Variants in ERVH48-1 observed in about 807,000 individuals in gnomAD.
ERVH48-1 encodes the protein suppressyn.
In ERVH48-1, 4 loss-of-function variants were observed where a neutral mutation model predicts 2.4. That is an observed-to-expected ratio of 1.68 (90% confidence interval 0.83 to 3.84). The LOEUF (loss-of-function observed/expected upper bound fraction) is 3.84. Ranked by LOEUF, ERVH48-1 falls within the 30% of genes most tolerant of loss-of-function variation. ERVH48-1 has a pLI of 0.01. For synonymous variants in ERVH48-1, 32 were observed against 15.5 expected, an observed-to-expected ratio of 2.06 and a Z score of -2.49; for missense variants, 97 against 43.4, an observed-to-expected ratio of 2.23 and a Z score of -3.47.
Position 42,925,620 on chromosome 21 carries a change from A to T in ERVH48-1, c.-560T>A, listed in dbSNP as rs1359463230. ...GGATGCAGACAGACTGAGGCCTAGA[A>T]TGGCATCAGCCCCAAGTGAGGAGGG... On this transcript the variant is annotated 5_prime_UTR_variant, in exon 1 of 2. Transcript: ENST00000447535. 9.6e-6 allele frequency: 2 copies of T among 208,776 alleles called. No individual in the cohort carries two copies. Among genetic ancestry groups the T allele is most frequent in the Non-Finnish European group, 1.9e-5 (2 of 104,862 alleles). The allele number at this position is 208,776 out of a possible 1,614,324, so 12.9% of individuals were successfully genotyped here. A position where few individuals can be genotyped will look rare whatever the true frequency, so the allele number is the denominator to read the frequency against.
At chr21:42,920,929 G>A (rs2058803814) in intron 1 of ERVH48-1, among the ~76,000 whole-genome samples, 1 of 152,184 alleles carries the variant, frequency 6.6e-6, no homozygotes, top group African/African-American at 2.4e-5. Flanking sequence ...GAGCCGTGGG[G>A]CAGAGATGAG....
chr21:42,916,879 G>A lies in ERVH48-1; in HGVS notation c.*1645C>T, dbSNP rs1353804557. The stretch of plus-strand genomic sequence containing the variant: ...TAAAATGGCATCAGCCCCAAGTGAG[G>A]ATGGGGCAGGGGTTTTATAGTCCTC... On this transcript the variant is annotated 3_prime_UTR_variant, in exon 2 of 2. Coordinates refer to ENST00000447535, the MANE Select transcript of ERVH48-1 (RefSeq NM_001308491.2). 6.0e-6 allele frequency: 1 copy of A among 165,702 alleles called. No homozygotes were observed. Among genetic ancestry groups the A allele is most frequent in the Admixed American group, 6.5e-5 (1 of 15,382 alleles). The allele number at this position is 165,702 out of a possible 1,614,324, so 10.3% of individuals were successfully genotyped here.
rs1405652036 is a variant in ERVH48-1, at chr21:42,918,451, T to C, written c.*73A>G. 2.5e-6 allele frequency: 1 copy of C among 401,208 alleles called. No individual in the cohort carries two copies. The highest frequency in any genetic ancestry group is 7.1e-5 in the East Asian group (1 of 14,062). 24.9% of individuals were successfully genotyped at this position (401,208 alleles called of 1,614,324 possible). On this transcript the variant is annotated 3_prime_UTR_variant, in exon 2 of 2. Transcript: ENST00000447535. ...CCCGCATACCCAACAATTGGACACA[T>C]TCATGGTAAGCACAATGGTTCTCCT... is the stretch of plus-strand genomic sequence containing the variant.
intron 1 of ERVH48-1, among the ~76,000 whole-genome samples, chr21:42,923,119 G>T (rs2058811572): frequency 6.6e-6 from 1 of 152,220 alleles, no homozygotes; most frequent in Non-Finnish European, 1.5e-5. Flanking sequence ...CCGACTTCCA[G>T]TGGGGTCCTC....
intron 1 of ERVH48-1, among the ~76,000 whole-genome samples, chr21:42,922,184 G>A (rs2058807816): frequency 6.6e-6 from 1 of 152,090 alleles, no homozygotes; most frequent in Admixed American, 6.6e-5. Context: ...GATTTTAAGG[G>A]TAATGCAGAA....
Position 42,918,991 on chromosome 21 carries a change from G to A in ERVH48-1, c.16C>T (p.Pro6Ser), listed in dbSNP as rs2058797463. Residue 6 changes from proline to serine, a missense_variant, in exon 2 of 2, where the codon CCA becomes TCA. Coordinates refer to ENST00000447535, the MANE Select transcript of ERVH48-1 (RefSeq NM_001308491.2). Reference sequence around the variant, plus strand: ...GGAAGAGAGGTATAGAAAGTGGTTGGGTAGATACAGGCCATTCCTGGAAGC... The same window carrying A: ...GGAAGAGAGGTATAGAAAGTGGTTGAGTAGATACAGGCCATTCCTGGAAGC... MACIY[P>S]TTFYTSLPTK... 9.1e-7 allele frequency: 1 copy of A among 1,103,618 alleles called. No homozygotes were observed. Among genetic ancestry groups the A allele is most frequent in the Admixed American group, 2.3e-5 (1 of 42,932 alleles). 68.4% of individuals were successfully genotyped at this position (1,103,618 alleles called of 1,614,324 possible). A position where few individuals can be genotyped will look rare whatever the true frequency, so the allele number is the denominator to read the frequency against.
At chr21:42,921,550 C>G (rs1051265601) in intron 1 of ERVH48-1, among the ~76,000 whole-genome samples, 7 of 152,050 alleles carry the variant, frequency 4.6e-5, no homozygotes, top group African/African-American at 1.7e-4. Context: ...CTGATACCCC[C>G]ACTCTGCCAG....
At chr21:42,924,677 G>T (rs940888968) in intron 1 of ERVH48-1, among the ~76,000 whole-genome samples, 3 of 152,162 alleles carry the variant, frequency 2.0e-5, no homozygotes, top group Non-Finnish European at 4.4e-5. Context: ...AGAACAAGGT[G>T]CTTAGAGGGA....
At position 42,919,275 on chromosome 21, in the gene ERVH48-1, G is replaced by A. The variant is rs1394564936; in HGVS notation, c.-269C>T. On this transcript the variant is annotated 5_prime_UTR_variant, in exon 2 of 2. Coordinates refer to ENST00000447535, the MANE Select transcript of ERVH48-1 (RefSeq NM_001308491.2). The stretch of plus-strand genomic sequence containing the variant: ...GCTTTTTGTGAGGGTCAGTTTGGCC[G>A]ATAAACACGTCTGTGCCTGCAAGAC... 7 of 261,644 alleles carry A rather than the reference G, an allele frequency of 2.7e-5. No homozygotes were observed. The highest frequency in any genetic ancestry group is 9.1e-5 in the East Asian group (1 of 11,042). 16.2% of individuals were successfully genotyped at this position (261,644 alleles called of 1,614,324 possible). A position where few individuals can be genotyped will look rare whatever the true frequency, so the allele number is the denominator to read the frequency against.
intron 1 of ERVH48-1, among the ~76,000 whole-genome samples, chr21:42,924,596 G>A (rs564805179): frequency 6.6e-6 from 1 of 152,134 alleles, no homozygotes. Context: ...TTGTAAAGTC[G>A]TATGTTCCAT....
In ERVH48-1 at chr21:42,918,991, G is replaced by C; in HGVS notation, c.16C>G (p.Pro6Ala). The change falls in exon 2 of 2, where the codon CCA becomes GCA. Residue 6 changes from proline to alanine, a missense_variant. Transcript: ENST00000447535. MACIY[P>A]TTFYTSLPTK... ...GGAAGAGAGGTATAGAAAGTGGTTG[G>C]GTAGATACAGGCCATTCCTGGAAGC... 7.2e-6 allele frequency: 8 copies of C among 1,103,620 alleles called. No homozygotes were observed. The highest frequency in any genetic ancestry group is 9.8e-6 in the Non-Finnish European group (8 of 820,466). 68.4% of individuals were successfully genotyped at this position (1,103,620 alleles called of 1,614,324 possible).
chr21:42,919,323 G>GTTTTTTAAT, intron 1 of ERVH48-1, 32 bp from the exon 2 acceptor site: 5 of 210,042 alleles, frequency 2.4e-5, no homozygotes, highest in South Asian at 8.3e-5. Context: ...GAGAGGATAA[G>GTTTTTTAAT]GAGGTGTCGG....
chr21:42,916,845 G>A lies in ERVH48-1; in HGVS notation c.*1679C>T. 5.6e-6 allele frequency: 1 copy of A among 178,116 alleles called. No individual in the cohort carries two copies. Among genetic ancestry groups the A allele is most frequent in the Non-Finnish European group, 1.1e-5 (1 of 87,024 alleles). 11.0% of individuals were successfully genotyped at this position (178,116 alleles called of 1,614,324 possible). ...TTAATGAGCGCCTGCATGCAGACAG[G>A]CTGAGGCCTAAAATGGCATCAGCCC... On this transcript the variant is annotated 3_prime_UTR_variant, in exon 2 of 2. Coordinates refer to ENST00000447535, the MANE Select transcript of ERVH48-1 (RefSeq NM_001308491.2).
At chr21:42,922,232 T>C (rs2058807969) in intron 1 of ERVH48-1, among the ~76,000 whole-genome samples, 1 of 151,744 alleles carries the variant, frequency 6.6e-6, no homozygotes, top group Non-Finnish European at 1.5e-5. Flanking sequence ...TGTGGAAGTA[T>C]CTCAAAACAG....
At chr21:42,920,434 C>T (rs1366103649) in intron 1 of ERVH48-1, among the ~76,000 whole-genome samples, 3 of 152,176 alleles carry the variant, frequency 2.0e-5, no homozygotes, top group African/African-American at 7.2e-5. Flanking sequence ...GCCTGGCAAC[C>T]TGAAGGAGCT....
rs147102205 is a variant in ERVH48-1 at position 42,918,133 on chromosome 21, C to T, written c.*391G>A. 4.4e-6 allele frequency: 1 copy of T among 226,372 alleles called. No homozygotes were observed. Among genetic ancestry groups the T allele is most frequent in the East Asian group, 1.1e-4 (1 of 8,838 alleles). 14.0% of individuals were successfully genotyped at this position (226,372 alleles called of 1,614,324 possible). A position where few individuals can be genotyped will look rare whatever the true frequency, so the allele number is the denominator to read the frequency against. ...GTACCAGGCCTTTTTTGACAAGACA[C>T]AATTGAGGTAGCTTAAGTTAGAAGG... On this transcript the variant is annotated 3_prime_UTR_variant, in exon 2 of 2. Coordinates refer to ENST00000447535, the MANE Select transcript of ERVH48-1 (RefSeq NM_001308491.2).
At chr21:42,919,664 C>A (rs2058799711) in intron 1 of ERVH48-1, among the ~76,000 whole-genome samples, 1 of 152,054 alleles carries the variant, frequency 6.6e-6, no homozygotes, top group South Asian at 2.1e-4. Context: ...ATTTTATTCC[C>A]AAGGATGTAG....
In ERVH48-1 at chr21:42,918,603, G is replaced by T; in HGVS notation, c.404C>A (p.Ala135Asp). Reference sequence around the variant, plus strand: ...TGTTGGTTTTGAGGCTTTGGCTTTGGCTATAATCTGTTCTCTCTTTATGTC... The same window carrying T: ...TGTTGGTTTTGAGGCTTTGGCTTTGTCTATAATCTGTTCTCTCTTTATGTC... ...LEDIKREQII[A>D]KAKASKPTTP... Residue 135 changes from alanine to aspartate, a missense_variant, in exon 2 of 2, where the codon GCC becomes GAC. By Grantham distance (126) the Ala-to-Asp change is moderately radical. Coordinates refer to ENST00000447535, the MANE Select transcript of ERVH48-1 (RefSeq NM_001308491.2). 1 of 456,542 alleles carries T rather than the reference G, an allele frequency of 2.2e-6. No homozygotes were observed. Among genetic ancestry groups the T allele is most frequent in the East Asian group, 6.9e-5 (1 of 14,396 alleles). 28.3% of individuals were successfully genotyped at this position (456,542 alleles called of 1,614,324 possible).
At chr21:42,925,139 T>G (rs529099989) in intron 1 of ERVH48-1, among the ~76,000 whole-genome samples, 9 of 151,956 alleles carry the variant, frequency 5.9e-5, no homozygotes, top group African/African-American at 2.2e-4. Flanking sequence ...AGAGACGGAG[T>G]TTCACCATGT....
Sources: allele counts gnomAD v4.1 joint callset (sites outside exome capture counted in the v4.1 genomes callset), GRCh38; gene constraint gnomAD v4.1.1; transcripts MANE v1.5; gene names NCBI Gene and HGNC (gene_info 2026-07-23, HGNC 2026-07-21).